The following MAP2K5 variants were observed in gnomAD, a reference collection of about 807,000 sequenced individuals.
The protein encoded by MAP2K5 is mitogen-activated protein kinase kinase 5, also known as dual specificity mitogen-activated protein kinase kinase 5.
MAP2K5 carries 49 observed loss-of-function variants against 83.1 expected under a neutral mutation model. That is an observed-to-expected ratio of 0.59 (90% CI 0.47 to 0.75). The LOEUF (loss-of-function observed/expected upper bound fraction) is 0.75. Among genes scored for constraint, MAP2K5 ranks in the 30% least tolerant of loss-of-function variants. MAP2K5 has a pLI of 0.00. For synonymous variants in MAP2K5, 202 were observed against 191.8 expected (o/e 1.05, Z -0.44); for missense variants, 457 against 557.5 (o/e 0.82, Z 1.82).
Position 67,660,362 on chromosome 15 carries a change from A to G in MAP2K5, c.798+1748A>G, listed in dbSNP as rs2087206218. On this transcript the variant is annotated intron_variant, in intron 12 of 21. Coordinates refer to ENST00000178640, the MANE Select transcript of MAP2K5 (RefSeq NM_145160.3). Reference sequence around the variant, plus strand: ...CAGCTGACAAACACCAGATTGGCCCATGGCTAATACCTGGCACCAGGAGGG... The same window carrying G: ...CAGCTGACAAACACCAGATTGGCCCGTGGCTAATACCTGGCACCAGGAGGG... Among the ~76,000 whole-genome samples, 3 of 152,140 alleles carry G rather than the reference A, an allele frequency of 2.0e-5. No homozygotes were observed. The South Asian group carries it at 6.2e-4, about 32-fold the overall frequency.
intron 9 of MAP2K5, chr15:67,641,627 G>A (rs1432779394): frequency 1.0e-6 from 1 of 991,638 alleles, no homozygotes; most frequent in Non-Finnish European, 1.2e-6. Context: ...TTGTCCTGGA[G>A]GTGTAGTGGA....
intron 13 of MAP2K5, among the ~76,000 whole-genome samples, chr15:67,683,073 G>A (rs1323477148): frequency 2.6e-5 from 4 of 151,424 alleles, no homozygotes; most frequent in African/African-American, 4.9e-5. Flanking sequence ...CCCGGGAGGC[G>A]GAGGTTGCAG....
rs1218205141 is a variant in MAP2K5, at chr15:67,563,909, T to G, written c.252+559T>G. On this transcript the variant is annotated intron_variant, in intron 3 of 21. Coordinates refer to ENST00000178640, the MANE Select transcript of MAP2K5 (RefSeq NM_145160.3). This position sits in a 1 kb window ranked among gnomAD's most constrained non-coding sequence, Gnocchi z 4.5. ...TTTTCTTTTGTGTTTAAAATTTTACTGAAAATCTGCGTTAACAGTTATCTG... is the reference window on the plus strand; with the variant it reads ...TTTTCTTTTGTGTTTAAAATTTTACGGAAAATCTGCGTTAACAGTTATCTG... Among the ~76,000 whole-genome samples, 2 of 152,214 alleles carry G rather than the reference T, an allele frequency of 1.3e-5. No individual in the cohort carries two copies. The highest frequency in any genetic ancestry group is 4.8e-5 in the African/African-American group (2 of 41,456).
At chr15:67,660,909 T>C (rs1042963845) in intron 12 of MAP2K5, among the ~76,000 whole-genome samples, 2 of 151,262 alleles carry the variant, frequency 1.3e-5, no homozygotes, top group Non-Finnish European at 2.9e-5. Context: ...AAGAAAGAGC[T>C]AGGCTAAAAA....
At chr15:67,705,957 C>T (rs1462509698) in intron 16 of MAP2K5, among the ~76,000 whole-genome samples, 4 of 152,046 alleles carry the variant, frequency 2.6e-5, no homozygotes, top group South Asian at 2.1e-4. Context: ...AGAGAGGTAG[C>T]CAGGGGCCAG....
intron 8 of MAP2K5, among the ~76,000 whole-genome samples, chr15:67,620,913 G>A (rs1230906602): frequency 1.3e-5 from 2 of 152,136 alleles, no homozygotes; most frequent in East Asian, 3.9e-4. Context: ...GTCGATAGGT[G>A]TAAAGTAAAT....
At position 67,779,676 on chromosome 15, in the gene MAP2K5, G is replaced by C. The variant is rs528851000; in HGVS notation, c.1242+6924G>C. On this transcript the variant is annotated intron_variant, in intron 21 of 21. Transcript: ENST00000178640. The surrounding 1 kb of genome is among the most constrained non-coding windows in gnomAD (Gnocchi z 4.6). ...GTATGATGATGACTTGCCTGTTTAAGATTGTAGTTATTTGAACTCATGTCT... is the reference window on the plus strand; with the variant it reads ...GTATGATGATGACTTGCCTGTTTAACATTGTAGTTATTTGAACTCATGTCT... 2.0e-5 allele frequency among the ~76,000 whole-genome samples: 3 copies of C among 152,320 alleles called. No homozygotes were observed. The highest frequency in any genetic ancestry group is 7.2e-5 in the African/African-American group (3 of 41,566).
rs754780193 is a variant in MAP2K5, at chr15:67,555,400, CA to C, written c.184+5323del. On this transcript the variant is annotated intron_variant, in intron 2 of 21. Coordinates refer to ENST00000178640, the MANE Select transcript of MAP2K5 (RefSeq NM_145160.3). The surrounding 1 kb of genome is among the most constrained non-coding windows in gnomAD (Gnocchi z 5.2). ...ATTCATGGGGGATCCACCCCCACGA[CA>C]AAAACACCTCCTTCCAGGCCCCGCC... Among the ~76,000 whole-genome samples the C allele has an allele frequency of 1.3e-5, 2 of 152,256 alleles. No homozygotes were observed. Among genetic ancestry groups the C allele is most frequent in the South Asian group, 4.1e-4 (2 of 4,826 alleles).
In MAP2K5 at chr15:67,628,077, C is replaced by T. The variant is rs577724576; in HGVS notation, c.546-2811C>T. 201 of 747,814 alleles carry T rather than the reference C, an allele frequency of 2.7e-4. 1 individual carries two copies. The highest frequency in any genetic ancestry group is 6.4e-4 in the South Asian group (48 of 74,538). The allele number at this position is 747,814 out of a possible 1,614,324, so 46.3% of individuals were successfully genotyped here. ...GGATGCAGCCATGAATGCAAGGCCA[C>T]GCAAGGTGGACGGAAGAGCTGTGGG... On this transcript the variant is annotated intron_variant, in intron 8 of 21. Coordinates refer to ENST00000178640, the MANE Select transcript of MAP2K5 (RefSeq NM_145160.3).
chr15:67,549,974 G>A, intron 1 of MAP2K5, 60 bp from the exon 2 acceptor site: 3 of 1,234,944 alleles, frequency 2.4e-6, no homozygotes, highest in South Asian at 1.2e-5. Flanking sequence ...TGTAGGATTT[G>A]CCACATGTTA....
intron 2 of MAP2K5, among the ~76,000 whole-genome samples, chr15:67,553,773 C>T (rs1354782854): frequency 2.0e-5 from 3 of 150,882 alleles, no homozygotes; most frequent in African/African-American, 4.9e-5. Context: ...ATTAGCCGGG[C>T]GCGGTGGCGG....
chr15:67,551,483 C>A (rs1326396231), intron 2 of MAP2K5, among the ~76,000 whole-genome samples: 2 of 152,134 alleles, frequency 1.3e-5, no homozygotes, highest in African/African-American at 4.8e-5. Context: ...CACGCATGCA[C>A]CACTATGCTT....
Position 67,764,246 on chromosome 15 carries a change from A to C in MAP2K5, c.1135-5356A>C, listed in dbSNP as rs1314601723. 6.6e-6 allele frequency among the ~76,000 whole-genome samples: 1 copy of C among 152,214 alleles called. No individual in the cohort carries two copies. Among genetic ancestry groups the C allele is most frequent in the African/African-American group, 2.4e-5 (1 of 41,460 alleles). ...TACTGCCAGTATGCATAAGGTTTGA[A>C]GGAATGTCTGTTTTGTATAAGGAGA... On this transcript the variant is annotated intron_variant, in intron 19 of 21. Coordinates refer to ENST00000178640, the MANE Select transcript of MAP2K5 (RefSeq NM_145160.3). This position sits in a 1 kb window ranked among gnomAD's most constrained non-coding sequence, Gnocchi z 4.9.
rs748800684 is a variant in MAP2K5 at position 67,720,138 on chromosome 15, A to T, written c.1045-7778A>T. On this transcript the variant is annotated intron_variant, in intron 16 of 21. Coordinates refer to ENST00000178640, the MANE Select transcript of MAP2K5 (RefSeq NM_145160.3). This position sits in a 1 kb window ranked among gnomAD's most constrained non-coding sequence, Gnocchi z 5.7. ...GCCTTATACTTACTATGGCCTAGTTAAAATTGTATATTCCATTTAAACACA... is the reference window on the plus strand; with the variant it reads ...GCCTTATACTTACTATGGCCTAGTTTAAATTGTATATTCCATTTAAACACA... Among the ~76,000 whole-genome samples, 2 of 152,184 alleles carry T rather than the reference A, an allele frequency of 1.3e-5. No individual in the cohort carries two copies. Among genetic ancestry groups the T allele is most frequent in the African/African-American group, 2.4e-5 (1 of 41,434 alleles).
Position 67,720,517 on chromosome 15 carries a change from A to G in MAP2K5, c.1045-7399A>G, listed in dbSNP as rs572892213. ...GCATTTAGCCTGAAATCTACTTTTT[A>G]TCATCTTTACCCAGCCATCAGAATG... On this transcript the variant is annotated intron_variant, in intron 16 of 21. Transcript: ENST00000178640. This position sits in a 1 kb window ranked among gnomAD's most constrained non-coding sequence, Gnocchi z 5.7. Among the ~76,000 whole-genome samples the G allele has an allele frequency of 2.0e-5, 3 of 152,280 alleles. No homozygotes were observed. The highest frequency in any genetic ancestry group is 2.1e-4 in the South Asian group (1 of 4,824).
At chr15:67,651,249 A>G (rs1465297013) in intron 11 of MAP2K5, among the ~76,000 whole-genome samples, 1 of 152,224 alleles carries the variant, frequency 6.6e-6, no homozygotes, top group Non-Finnish European at 1.5e-5. Flanking sequence ...TTATGGATCC[A>G]TAATATTGTA....
intron 15 of MAP2K5, among the ~76,000 whole-genome samples, chr15:67,701,230 T>G (rs531269328): frequency 5.9e-5 from 9 of 152,346 alleles, no homozygotes; most frequent in Non-Finnish European, 1.2e-4. Context: ...TTTTCATGTT[T>G]GTTAGAAGTT....
At chr15:67,803,879 C>T (rs2090749325) in intron 21 of MAP2K5, among the ~76,000 whole-genome samples, 1 of 152,218 alleles carries the variant, frequency 6.6e-6, no homozygotes, top group Admixed American at 6.5e-5. Context: ...GAGCCCAGGG[C>T]AGTGGGTTTG....
Position 67,724,231 on chromosome 15 carries a change from C to T in MAP2K5, c.1045-3685C>T, listed in dbSNP as rs1198000304. Among the ~76,000 whole-genome samples the T allele has an allele frequency of 1.3e-5, 2 of 152,086 alleles. No homozygotes were observed. Among genetic ancestry groups the T allele is most frequent in the African/African-American group, 2.4e-5 (1 of 41,426 alleles). Reference sequence around the variant, plus strand: ...CTTGACAATAAAAACTAGGGAAATGCAAGTAGATTAATAGACCAGTAGGGG... The same window carrying T: ...CTTGACAATAAAAACTAGGGAAATGTAAGTAGATTAATAGACCAGTAGGGG... On this transcript the variant is annotated intron_variant, in intron 16 of 21. Transcript: ENST00000178640. This position sits in a 1 kb window ranked among gnomAD's most constrained non-coding sequence, Gnocchi z 4.4.
Sources: gnomAD v4.1 joint callset for allele counts (sites outside exome capture counted in the v4.1 genomes callset) on GRCh38, gnomAD v4.1.1 for gene constraint, Gnocchi (gnomAD v3.1) non-coding constraint, MANE v1.5 for transcripts, NCBI Gene and HGNC (gene_info 2026-07-23, HGNC 2026-07-21) for gene names.